Variants in FBXL19 observed in about 807,000 individuals in gnomAD.
FBXL19 encodes the protein F-box/LRR-repeat protein 19.
A neutral mutation model predicts 71.2 loss-of-function variants in FBXL19; 16 were observed. That is an observed-to-expected ratio of 0.22 (90% CI 0.15 to 0.34). FBXL19 has a LOEUF of 0.34. FBXL19 is among the 10% of genes least tolerant of loss of function. The probability of loss-of-function intolerance (pLI) is 1.00; values close to 1 mark genes in which losing one functional copy is unlikely to be tolerated. For synonymous variants in FBXL19, 447 were observed against 409.4 expected, an observed-to-expected ratio of 1.09 and a Z score of -1.11; for missense variants, 658 against 968.2, an observed-to-expected ratio of 0.68 and a Z score of 4.25.
rs2143403889 is a variant in FBXL19 at position 30,947,739 on chromosome 16, G to T, written c.*509G>T. 2.7e-6 allele frequency: 1 copy of T among 376,494 alleles called. No individual in the cohort carries two copies. The highest frequency in any genetic ancestry group is 9.1e-5 in the East Asian group (1 of 10,958). 23.3% of individuals were successfully genotyped at this position (376,494 alleles called of 1,614,324 possible). A position where few individuals can be genotyped will look rare whatever the true frequency, so the allele number is the denominator to read the frequency against. ...GCAATTGGGGATCCAGGTGTCAGAG[G>T]TAGGGGAACCAGGGGCAAGCTGGGG... On this transcript the variant is annotated 3_prime_UTR_variant, in exon 11 of 11. Coordinates refer to ENST00000338343, the MANE Select transcript of FBXL19 (RefSeq NM_001382779.1).
intron 2 of FBXL19, among the ~76,000 whole-genome samples, chr16:30,926,513 C>T (rs1413617974): frequency 2.0e-5 from 3 of 152,272 alleles, no homozygotes; most frequent in African/African-American, 7.2e-5. Flanking sequence ...CTTCCTCATC[C>T]TTTGAGCCTC....
Position 30,930,258 on chromosome 16 carries a change from A to G in FBXL19, c.975A>G (p.Glu325=). ...CGGGCACATCGCTGAGTGAGGACGA[A>G]GCCCCCGGCGAGGCCCGGAATGGGC... ...DSSGTSLSED[E]APGEARNGRR... Residue 325 remains glutamate (E), a synonymous_variant, in exon 7 of 11, where the codon GAA becomes GAG. Transcript: ENST00000338343. This position sits in a 1 kb window ranked among gnomAD's most constrained non-coding sequence, Gnocchi z 8.5. The G allele has an allele frequency of 6.2e-7, 1 of 1,612,862 alleles. No individual in the cohort carries two copies.
chr16:30,938,896 A>G (rs1251255085), intron 7 of FBXL19, among the ~76,000 whole-genome samples: 2 of 151,914 alleles, frequency 1.3e-5, no homozygotes, highest in East Asian at 3.9e-4. Context: ...TCGGCCTCCC[A>G]AAGTGCTGGG....
chr16:30,936,368 C>T (rs1055893371), intron 7 of FBXL19, among the ~76,000 whole-genome samples: 19 of 152,072 alleles, frequency 1.2e-4, no homozygotes, highest in Non-Finnish European at 2.4e-4. Context: ...GGTGGAACCC[C>T]GCCTCTACTA....
chr16:30,946,627 G>A lies in FBXL19; in HGVS notation c.1628-103G>A, dbSNP rs970717119. On this transcript the variant is annotated intron_variant, in intron 9 of 10. Transcript: ENST00000338343. The surrounding 1 kb of genome is among the most constrained non-coding windows in gnomAD (Gnocchi z 6.7). ...AAGAGCAAGCCACAGAGTGCACCAG[G>A]TCACTCACTTATGTGGGAAGCAGGT... The A allele has an allele frequency of 9.0e-7, 1 of 1,110,610 alleles. No homozygotes were observed. The highest frequency in any genetic ancestry group is 1.3e-6 in the Non-Finnish European group (1 of 775,014). 68.8% of individuals were successfully genotyped at this position (1,110,610 alleles called of 1,614,324 possible). A position where few individuals can be genotyped will look rare whatever the true frequency, so the allele number is the denominator to read the frequency against.
In FBXL19 at chr16:30,930,328, G is replaced by C. The variant is rs1334242237; in HGVS notation, c.1045G>C (p.Gly349Arg). Residue 349 changes from glycine to arginine, a missense_variant, in exon 7 of 11, where the codon GGG (glycine) becomes CGG (arginine). Transcript: ENST00000338343. This position sits in a 1 kb window ranked among gnomAD's most constrained non-coding sequence, Gnocchi z 8.5. ...GSSGEKENRG[G>R]RRAVRPGSGG... Reference sequence around the variant, plus strand: ...CTCTGGCGAGAAGGAGAACCGTGGGGGGCGGCGGGCTGTGCGCCCTGGCAG... The same window carrying C: ...CTCTGGCGAGAAGGAGAACCGTGGGCGGCGGCGGGCTGTGCGCCCTGGCAG... The C allele has an allele frequency of 4.4e-6, 7 of 1,601,548 alleles. No homozygotes were observed. The highest frequency in any genetic ancestry group is 6.0e-6 in the Non-Finnish European group (7 of 1,174,198).
chr16:30,940,602 A>G (rs1277740260), intron 7 of FBXL19, among the ~76,000 whole-genome samples: 2 of 152,024 alleles, frequency 1.3e-5, no homozygotes, highest in African/African-American at 4.8e-5. Context: ...GAGGTGGGGA[A>G]GGATTCCTGG....
rs2055563242 is a variant in FBXL19 at position 30,924,282 on chromosome 16, C to G, written c.-202C>G. 6.6e-6 allele frequency: 1 copy of G among 152,204 alleles called. No homozygotes were observed. Among genetic ancestry groups the G allele is most frequent in the African/African-American group, 2.4e-5 (1 of 41,382 alleles). The allele number at this position is 152,204 out of a possible 1,614,324, so 9.4% of individuals were successfully genotyped here. On this transcript the variant is annotated 5_prime_UTR_variant, in exon 1 of 11. Coordinates refer to ENST00000338343, the MANE Select transcript of FBXL19 (RefSeq NM_001382779.1). The stretch of plus-strand genomic sequence containing the variant: ...GCCTCGCCCCCGGCGCCCCCCATCT[C>G]CACTCGCCGCCGTCCCGGCCTCCGC...
At chr16:30,926,795 G>A (rs1430632407) in intron 2 of FBXL19, among the ~76,000 whole-genome samples, 1 of 152,082 alleles carries the variant, frequency 6.6e-6, no homozygotes, top group Admixed American at 6.6e-5. Flanking sequence ...ACTGTCTGAG[G>A]CTGCCCCCAC....
chr16:30,924,963 G>A (rs533065788), intron 1 of FBXL19, among the ~76,000 whole-genome samples: 17 of 152,314 alleles, frequency 1.1e-4, no homozygotes, highest in African/African-American at 3.4e-4. Context: ...AGAATCCCAA[G>A]GAATTTGGGA....
chr16:30,935,029 A>C (rs1229739988), intron 7 of FBXL19, among the ~76,000 whole-genome samples: 1 of 152,198 alleles, frequency 6.6e-6, no homozygotes, highest in African/African-American at 2.4e-5. Context: ...AGAACGAGGC[A>C]GGAGGGAATG....
chr16:30,927,576 G>C lies in FBXL19; in HGVS notation c.325G>C (p.Gly109Arg). 8.3e-6 allele frequency: 13 copies of C among 1,557,954 alleles called. No individual in the cohort carries two copies. Among genetic ancestry groups the C allele is most frequent in the Non-Finnish European group, 1.1e-5 (13 of 1,150,722 alleles). Residue 109 changes from glycine (G) to arginine (R), a missense_variant, in exon 4 of 11, where the codon GGG becomes CGG. Gly to Arg is a moderately radical substitution (Grantham distance 125). Coordinates refer to ENST00000338343, the MANE Select transcript of FBXL19 (RefSeq NM_001382779.1). ...CTCACTGCCCTCCTGCCTACAGATGGGGAAGGCTGAGGGTGTCATCAATGC... is the reference window on the plus strand; with the variant it reads ...CTCACTGCCCTCCTGCCTACAGATGCGGAAGGCTGAGGGTGTCATCAATGC... ...EIVHPGCLKM[G>R]KAEGVINAEI...
At chr16:30,924,605 C>A (rs1452851071) in intron 1 of FBXL19, 146 bp downstream of exon 1, 3 of 1,367,310 alleles carry the variant, frequency 2.2e-6, no homozygotes, top group East Asian at 6.2e-5. Flanking sequence ...TTCCTATGAC[C>A]TCTCCACCCT....
Position 30,930,005 on chromosome 16 carries a change from C to T in FBXL19, c.790-68C>T, listed in dbSNP as rs1012163860. 16 of 1,543,986 alleles carry T rather than the reference C, an allele frequency of 1.0e-5. No homozygotes were observed. The East Asian group carries it at 3.2e-4, about 31-fold the overall frequency. ...TCGGGCTGTTCATCCCCTGGTGACT[C>T]CTCGGGGTAGGGGGGTGGGAAAATG... On this transcript the variant is annotated intron_variant, in intron 6 of 10. Coordinates refer to ENST00000338343, the MANE Select transcript of FBXL19 (RefSeq NM_001382779.1). This position sits in a 1 kb window ranked among gnomAD's most constrained non-coding sequence, Gnocchi z 8.5.
At chr16:30,927,222 C>A in intron 2 of FBXL19, 86 bp from the exon 3 acceptor site, 1 of 1,400,268 alleles carries the variant, frequency 7.1e-7, no homozygotes, top group Non-Finnish European at 9.5e-7. Context: ...GCACCTCATC[C>A]GTCACCTGGC....
At chr16:30,923,069 C>T (rs903064275), upstream of FBXL19, 2 of 456,710 alleles carry the variant, frequency 4.4e-6, no homozygotes, top group Non-Finnish European at 8.8e-6. Context: ...TGCTTGTAGT[C>T]CTCTTTCCTT....
rs567507500 is a variant in FBXL19, at chr16:30,936,594, T to A, written c.1302-5522T>A. On this transcript the variant is annotated intron_variant, in intron 7 of 10. Transcript: ENST00000338343. ...GTGCCTGCCACCACGCCTGGCTAAT[T>A]TTTTTTCTTTTTTTTTTTTTTTTTT... Among the ~76,000 whole-genome samples the A allele has an allele frequency of 8.4e-5, 12 of 142,546 alleles. No individual in the cohort carries two copies. In the East Asian group the frequency reaches 2.1e-3, roughly 25 times the overall value. 93.5% of individuals were successfully genotyped at this position (142,546 alleles called of 152,430 possible). A position where few individuals can be genotyped will look rare whatever the true frequency, so the allele number is the denominator to read the frequency against.
At chr16:30,923,164 G>A (rs895635215), upstream of FBXL19, 1 of 456,558 alleles carries the variant, frequency 2.2e-6, no homozygotes, top group Non-Finnish European at 4.4e-6. Context: ...TACCACACAC[G>A]CGGAGGGTTG....
chr16:30,924,651 C>A, intron 1 of FBXL19, 192 bp downstream of exon 1: 1 of 1,401,146 alleles, frequency 7.1e-7, no homozygotes, highest in South Asian at 1.7e-5. Context: ...CCTGCTTCCC[C>A]TTGAAAGCCC....
Sources: gnomAD v4.1 joint callset for allele counts (sites outside exome capture counted in the v4.1 genomes callset) on GRCh38, gnomAD v4.1.1 for gene constraint, Gnocchi (gnomAD v3.1) non-coding constraint, MANE v1.5 for transcripts, NCBI Gene and HGNC (gene_info 2026-07-23, HGNC 2026-07-21) for gene names.